GLIS3: variants seen among roughly 807,000 people sequenced by gnomAD.
GLIS3 encodes the protein zinc finger protein GLIS3.
Under a neutral mutation model 78.6 loss-of-function variants are expected in GLIS3, and 53 were observed. The ratio of observed to expected loss-of-function variants is 0.67; its 90% confidence interval spans 0.54 to 0.85. The LOEUF is 0.85. Ranked by LOEUF, GLIS3 falls within the 40% of genes least tolerant of loss-of-function variation. The probability of loss-of-function intolerance (pLI) is 0.00; values close to 1 mark genes in which losing one functional copy is unlikely to be tolerated. For synonymous variants in GLIS3, 684 were observed against 509.9 expected (o/e 1.34, Z -4.60); for missense variants, 1,703 against 1,231.1 (o/e 1.38, Z -5.74).
chr9:3,843,974 C>T (rs146414423), intron 9 of GLIS3, among the ~76,000 whole-genome samples: 40 of 152,186 alleles, frequency 2.6e-4, no homozygotes, highest in Admixed American at 7.2e-4. Context: ...AAAGACCTCA[C>T]GAAAGAATGA....
At chr9:3,866,229 A>G (rs368545978) in intron 8 of GLIS3, among the ~76,000 whole-genome samples, 4 of 152,232 alleles carry the variant, frequency 2.6e-5, no homozygotes, top group African/African-American at 9.6e-5. Context: ...CTCTGTGCTC[A>G]GGGAGACTGG....
chr9:3,971,171 T>TCTC lies in GLIS3; in HGVS notation c.1711-33983_1711-33982insGAG, dbSNP rs1034587783. The stretch of plus-strand genomic sequence containing the variant: ...TATGCTTTCCATCACCATCAAAGAA[T>TCTC]GGAGCAATGGCAAGATAGCCATGTC... On this transcript the variant is annotated intron_variant, in intron 4 of 10. Transcript: ENST00000381971. 3.9e-5 allele frequency among the ~76,000 whole-genome samples: 6 copies of TCTC among 152,042 alleles called. No homozygotes were observed. The South Asian group carries it at 1.2e-3, about 32-fold the overall frequency.
chr9:4,474,281 A>G, the GLIS3 span, among the ~76,000 whole-genome samples: 4 of 152,216 alleles, frequency 2.6e-5, no homozygotes, highest in African/African-American at 9.6e-5. Flanking sequence ...CAAGGTGGGC[A>G]GATTGCTTGA....
chr9:4,125,633 A>AGTGCGT (rs1832514579), intron 3 of GLIS3, 101 bp downstream of exon 3: 1 of 688,184 alleles, frequency 1.5e-6, no homozygotes, highest in Non-Finnish European at 2.6e-6. Flanking sequence ...TAAGTGTATG[A>AGTGCGT]GTGTGTGTGT....
chr9:4,331,932 G>C (rs1817692026), intron 2 of GLIS3, among the ~76,000 whole-genome samples: 1 of 152,124 alleles, frequency 6.6e-6, no homozygotes, highest in Admixed American at 6.5e-5. Context: ...TGGTACAAGG[G>C]GTGGAATGGA....
At chr9:4,262,956 A>T (rs999265446) in intron 2 of GLIS3, among the ~76,000 whole-genome samples, 100 of 148,302 alleles carry the variant, frequency 6.7e-4, no homozygotes, top group African/African-American at 2.4e-3. Flanking sequence ...AAAAAAAAAA[A>T]TCCCACAGCC....
Position 4,118,161 on chromosome 9 carries a change from G to T in GLIS3, c.1317C>A (p.Ser439Arg). ...KTERLEEFPG[S>R]TVDLPPAPPL... ...GAGGCGCGGGGGGTAGGTCTACGGT[G>T]CTGCCCGGGAACTCCTCCAGGCGTT... The change falls in exon 4 of 11, where the codon AGC (serine) becomes AGA (arginine). Residue 439 changes from serine (S) to arginine (R), a missense_variant. By Grantham distance (110) the Ser-to-Arg change is moderately radical (BLOSUM62 -1). Transcript: ENST00000381971. The surrounding 1 kb of genome is among the most constrained non-coding windows in gnomAD (Gnocchi z 4.7). 6.4e-7 allele frequency: 1 copy of T among 1,564,690 alleles called. No homozygotes were observed.
intron 3 of GLIS3, among the ~76,000 whole-genome samples, chr9:4,125,344 G>A (rs1346838737): frequency 6.6e-6 from 1 of 152,146 alleles, no homozygotes; most frequent in Non-Finnish European, 1.5e-5. Flanking sequence ...TGGAAACTCT[G>A]CATCATATTC....
rs140338069 is a variant in GLIS3, at chr9:4,005,130, G to C, written c.1711-67941C>G. Among the ~76,000 whole-genome samples the C allele has an allele frequency of 3.8e-3, 576 of 152,202 alleles. 3 individuals are homozygous for C. Among genetic ancestry groups the C allele is most frequent in the African/African-American group, 0.013 (532 of 41,532 alleles). ...CACATTTGTGTCATTTCTGCATTTG[G>C]TATTCTTTGAGGCACCCAAAATGTC... On this transcript the variant is annotated intron_variant, in intron 4 of 10. Coordinates refer to ENST00000381971, the MANE Select transcript of GLIS3 (RefSeq NM_001042413.2).
chr9:4,239,545 A>G (rs11999791), intron 2 of GLIS3, among the ~76,000 whole-genome samples: 84,655 of 151,970 alleles, frequency 0.56, 24,377 homozygotes, highest in African/African-American at 0.69. Flanking sequence ...CACATCAGTC[A>G]TTGAGATCTT....
intron 2 of GLIS3, among the ~76,000 whole-genome samples, chr9:4,151,213 T>C (rs1378517511): frequency 6.6e-6 from 1 of 152,170 alleles, no homozygotes; most frequent in Non-Finnish European, 1.5e-5. Flanking sequence ...CAAGTGTCTT[T>C]GAGCCTAGAA....
At chr9:4,419,892 C>T in the GLIS3 span, among the ~76,000 whole-genome samples, 1 of 152,292 alleles carries the variant, frequency 6.6e-6, no homozygotes, top group Non-Finnish European at 1.5e-5. Context: ...ATCAAATCAT[C>T]TCCCACCAGG....
chr9:4,174,972 A>C (rs1816691820), intron 2 of GLIS3, among the ~76,000 whole-genome samples: 2 of 152,232 alleles, frequency 1.3e-5, no homozygotes, highest in Admixed American at 6.5e-5. Context: ...GAAATAGGTC[A>C]AGGGTGCAAA....
intron 2 of GLIS3, among the ~76,000 whole-genome samples, chr9:4,159,248 T>C (rs1039781691): frequency 6.6e-6 from 1 of 152,142 alleles, no homozygotes; most frequent in Admixed American, 6.5e-5. Flanking sequence ...AGATGAACCA[T>C]CTCCAGGGTC....
Position 4,125,846 on chromosome 9 carries a change from C to T in GLIS3, c.484G>A (p.Gly162Arg). ...TGGCTTGCTGGAGGTGAAATGAGTC[C>T]CAGTCGCTGAACCATCATGGGACTG... ...TSSPMMVQRL[G>R]LISPPASQVS... Residue 162 changes from glycine (G) to arginine (R), a missense_variant, in exon 3 of 11, where the codon GGA (glycine) becomes AGA (arginine). Coordinates refer to ENST00000381971, the MANE Select transcript of GLIS3 (RefSeq NM_001042413.2). 1 of 1,613,990 alleles carries T rather than the reference C, an allele frequency of 6.2e-7. No homozygotes were observed. The highest frequency in any genetic ancestry group is 8.5e-7 in the Non-Finnish European group (1 of 1,179,956).
chr9:4,164,790 G>T (rs543743016), intron 2 of GLIS3, among the ~76,000 whole-genome samples: 6 of 152,284 alleles, frequency 3.9e-5, no homozygotes, highest in African/African-American at 1.4e-4. Context: ...AGATCAGGGA[G>T]GAAGGCAGTA....
the GLIS3 span, among the ~76,000 whole-genome samples, chr9:4,401,443 T>TA: frequency 6.6e-6 from 1 of 151,768 alleles, no homozygotes; most frequent in Non-Finnish European, 1.5e-5. Flanking sequence ...ATTTTTTTTT[T>TA]AGTAGAGATG....
chr9:4,290,194 A>AT (rs1448451951), intron 1 of GLIS3, among the ~76,000 whole-genome samples: 1 of 152,088 alleles, frequency 6.6e-6, no homozygotes, highest in Non-Finnish European at 1.5e-5. Flanking sequence ...TTAATTATTA[A>AT]TTTTCATACA....
intron 4 of GLIS3, among the ~76,000 whole-genome samples, chr9:4,016,391 T>A (rs1216815266): frequency 6.6e-6 from 1 of 152,232 alleles, no homozygotes; most frequent in East Asian, 1.9e-4. Context: ...CCTTAAGTTT[T>A]GTGATTCCTT....
Sources: allele counts gnomAD v4.1 joint callset (sites outside exome capture counted in the v4.1 genomes callset), GRCh38; gene constraint gnomAD v4.1.1; non-coding constraint Gnocchi (gnomAD v3.1); transcripts MANE v1.5; gene names NCBI Gene and HGNC (gene_info 2026-07-23, HGNC 2026-07-21).